Variants in POU2F1 observed in about 807,000 individuals in gnomAD.
POU2F1 encodes POU class 2 homeobox 1.
In POU2F1, 16 loss-of-function variants were observed where a neutral mutation model predicts 84.9. That is an observed-to-expected ratio of 0.19 (90% CI 0.13 to 0.29). The LOEUF (loss-of-function observed/expected upper bound fraction) is 0.29, where lower values mean the gene tolerates loss of function less well. Among genes scored for constraint, POU2F1 ranks in the 10% least tolerant of loss-of-function variants. The pLI is 1.00. For missense variants in POU2F1, 738 were observed against 942.6 expected (o/e 0.78, Z 2.84); for synonymous variants, 368 against 368.3 (o/e 1.00, Z 0.01).
In POU2F1 at chr1:167,395,906, CAGA is replaced by C. The variant is rs151211573; in HGVS notation, c.988-379_988-377del. Among the ~76,000 whole-genome samples, 387 of 152,294 alleles carry C rather than the reference CAGA, an allele frequency of 2.5e-3. 1 individual carries two copies. Among genetic ancestry groups the C allele is most frequent in the Non-Finnish European group, 4.2e-3 (287 of 68,010 alleles). ...AAGGTGTGAGCCACTGTGCCCAGAC[CAGA>C]TAAATACATTTTTAAAAATTACTTA... is the stretch of plus-strand genomic sequence containing the variant. On this transcript the variant is annotated intron_variant, in intron 9 of 15. Coordinates refer to ENST00000367866, the MANE Select transcript of POU2F1 (RefSeq NM_002697.4).
At chr1:167,359,939 G>A (rs1232011776) in intron 2 of POU2F1, among the ~76,000 whole-genome samples, 1 of 151,116 alleles carries the variant, frequency 6.6e-6, no homozygotes, top group African/African-American at 2.4e-5. Flanking sequence ...GATGATTAGT[G>A]ATGTTGAGCA....
intron 1 of POU2F1, among the ~76,000 whole-genome samples, chr1:167,259,411 A>C (rs1651383943): frequency 6.6e-6 from 1 of 152,192 alleles, no homozygotes. Context: ...ATTCAGTTTC[A>C]TGACCGTGTG....
In POU2F1 at chr1:167,416,087, T is replaced by TAAACAAAAAAA; in HGVS notation, c.*280_*281insCAAAAAAAAAA. 1 of 351,044 alleles carries TAAACAAAAAAA rather than the reference T, an allele frequency of 2.8e-6. No homozygotes were observed. Among genetic ancestry groups the TAAACAAAAAAA allele is most frequent in the Non-Finnish European group, 5.2e-6 (1 of 192,874 alleles). The allele number at this position is 351,044 out of a possible 1,614,324, so 21.7% of individuals were successfully genotyped here. ...ATTGGAGAACTTTCTAACCAAAAAT[T>TAAACAAAAAAA]AAAAAAAAAAAAAAAAAAAGAAACA... On this transcript the variant is annotated 3_prime_UTR_variant, in exon 16 of 16. Coordinates refer to ENST00000367866, the MANE Select transcript of POU2F1 (RefSeq NM_002697.4).
chr1:167,231,763 G>T (rs1649077675), intron 1 of POU2F1, among the ~76,000 whole-genome samples: 1 of 152,142 alleles, frequency 6.6e-6, no homozygotes, highest in Non-Finnish European at 1.5e-5. Context: ...GCATAAGGTG[G>T]GGACTGCTAA....
intron 2 of POU2F1, among the ~76,000 whole-genome samples, chr1:167,349,577 G>T (rs1004206871): frequency 6.6e-6 from 1 of 152,064 alleles, no homozygotes; most frequent in Non-Finnish European, 1.5e-5. Context: ...TGCTCAATAC[G>T]TATTTTTTGA....
intron 2 of POU2F1, among the ~76,000 whole-genome samples, chr1:167,342,217 T>G (rs1657908928): frequency 6.6e-6 from 1 of 152,154 alleles, no homozygotes; most frequent in African/African-American, 2.4e-5. Context: ...ACCCAGTATT[T>G]CCCTGTCTCC....
Position 167,345,181 on chromosome 1 carries a change from A to G in POU2F1, c.127+12646A>G, listed in dbSNP as rs1448896726. 2.0e-5 allele frequency among the ~76,000 whole-genome samples: 3 copies of G among 152,192 alleles called. No homozygotes were observed. The South Asian group carries it at 6.2e-4, about 32-fold the overall frequency. ...CCGGAACTTAAAGTAAAATAAATAA[A>G]TAAGAAAGAACAGATGAGTCAGGGA... On this transcript the variant is annotated intron_variant, in intron 2 of 15. Transcript: ENST00000367866.
intron 1 of POU2F1, among the ~76,000 whole-genome samples, chr1:167,240,078 C>G (rs1649787909): frequency 6.6e-6 from 1 of 151,760 alleles, no homozygotes; most frequent in Non-Finnish European, 1.5e-5. Flanking sequence ...GTTCTGCCTT[C>G]TGAAAGACTC....
chr1:167,243,350 T>A (rs1051312560), intron 1 of POU2F1, among the ~76,000 whole-genome samples: 4 of 152,286 alleles, frequency 2.6e-5, no homozygotes, highest in African/African-American at 9.6e-5. Flanking sequence ...ATAATGTATA[T>A]AATTGCTGAG....
At chr1:167,230,444 CA>C (rs928392011) in intron 1 of POU2F1, among the ~76,000 whole-genome samples, 30 of 152,074 alleles carry the variant, frequency 2.0e-4, no homozygotes, top group African/African-American at 6.3e-4. Flanking sequence ...TTTTTAAAGG[CA>C]AAAGTGGAGC....
chr1:167,361,675 C>A (rs1659362160), intron 2 of POU2F1, among the ~76,000 whole-genome samples: 1 of 152,062 alleles, frequency 6.6e-6, no homozygotes, highest in South Asian at 2.1e-4. Context: ...CAAGATGATG[C>A]TGCTTTCATA....
At chr1:167,326,031 T>G (rs538841017) in intron 1 of POU2F1, among the ~76,000 whole-genome samples, 1 of 152,216 alleles carries the variant, frequency 6.6e-6, no homozygotes, top group Non-Finnish European at 1.5e-5. Context: ...TTTCAGCTCC[T>G]TTTTATACTT....
intron 1 of POU2F1, among the ~76,000 whole-genome samples, chr1:167,313,551 T>C (rs1360615420): frequency 6.6e-6 from 1 of 152,008 alleles, no homozygotes; most frequent in East Asian, 1.9e-4. Context: ...GTGACTAAGG[T>C]ACAAAAACAA....
At chr1:167,278,336 T>C (rs1013193818) in intron 1 of POU2F1, among the ~76,000 whole-genome samples, 1 of 152,252 alleles carries the variant, frequency 6.6e-6, no homozygotes, top group African/African-American at 2.4e-5. Context: ...TAATTTGTTA[T>C]TATGTATCTC....
At position 167,415,776 on chromosome 1, in the gene POU2F1, CG is replaced by C; in HGVS notation, c.2268del (p.Ser757ProfsTer81). Reference sequence around the variant, plus strand: ...ACAGTGGCCTCTGCCAGCGGGGCTGCGTCCACCACCACCACCGCCTCCAAGG... The same window carrying C: ...ACAGTGGCCTCTGCCAGCGGGGCTGCTCCACCACCACCACCGCCTCCAAGG... ...LFTVASASGA[A>X]STTTTASKAQ On this transcript the variant is annotated frameshift_variant, in exon 16 of 16. Coordinates refer to ENST00000367866, the MANE Select transcript of POU2F1 (RefSeq NM_002697.4). LOFTEE classifies it high-confidence loss of function. 1 of 1,614,030 alleles carries C rather than the reference CG, an allele frequency of 6.2e-7. No individual in the cohort carries two copies.
intron 1 of POU2F1, among the ~76,000 whole-genome samples, chr1:167,221,495 G>C (rs1648174600): frequency 6.7e-6 from 1 of 149,202 alleles, no homozygotes; most frequent in African/African-American, 2.4e-5. Flanking sequence ...GGAGGCGGCG[G>C]GGCCGGAGCG....
At chr1:167,302,261 C>T (rs970563473) in intron 1 of POU2F1, among the ~76,000 whole-genome samples, 6 of 150,394 alleles carry the variant, frequency 4.0e-5, no homozygotes, top group Admixed American at 6.6e-5. Flanking sequence ...TTTTTTTTTT[C>T]TTTTCTTTTT....
chr1:167,310,662 A>G (rs920777878), intron 1 of POU2F1, among the ~76,000 whole-genome samples: 1 of 152,214 alleles, frequency 6.6e-6, no homozygotes, highest in Admixed American at 6.5e-5. Context: ...AGACATAATT[A>G]CCACGATGAC....
intron 2 of POU2F1, among the ~76,000 whole-genome samples, chr1:167,342,258 T>G (rs1285160076): frequency 1.3e-5 from 2 of 152,218 alleles, no homozygotes; most frequent in African/African-American, 4.8e-5. Context: ...TTCCCCAGGA[T>G]AGTATCACTA....
Sources: allele counts gnomAD v4.1 joint callset (sites outside exome capture counted in the v4.1 genomes callset), GRCh38; gene constraint gnomAD v4.1.1; transcripts MANE v1.5; gene names NCBI Gene and HGNC (gene_info 2026-07-23, HGNC 2026-07-21).